Variants in REL observed in about 807,000 individuals in gnomAD.
REL encodes the protein proto-oncogene c-Rel.
In REL, 15 loss-of-function variants were observed where a neutral mutation model predicts 45.9. The ratio of observed to expected loss-of-function variants is 0.33; its 90% confidence interval spans 0.22 to 0.50. REL has a LOEUF of 0.50. REL is among the 20% of genes least tolerant of loss of function. The pLI is 0.98. For synonymous variants in REL, 239 were observed against 242.1 expected, an observed-to-expected ratio of 0.99 and a Z score of 0.12; for missense variants, 601 against 715.2, an observed-to-expected ratio of 0.84 and a Z score of 1.82.
chr2:60,928,261 C>T lies in REL; in HGVS notation c.*5726C>T, dbSNP rs1283956697. The T allele has an allele frequency of 6.4e-6, 1 of 156,018 alleles. No individual in the cohort carries two copies. Among genetic ancestry groups the T allele is most frequent in the Non-Finnish European group, 1.4e-5 (1 of 70,478 alleles). 9.7% of individuals were successfully genotyped at this position (156,018 alleles called of 1,614,324 possible). A position where few individuals can be genotyped will look rare whatever the true frequency, so the allele number is the denominator to read the frequency against. On this transcript the variant is annotated 3_prime_UTR_variant, in exon 10 of 10. Transcript: ENST00000394479. ...TGGCCATACTGCCCAAGGTAATTTA[C>T]AGATTCAGTGCCATCCCCATCAAGC...
At chr2:60,890,323 T>A (rs1673176876) in intron 1 of REL, among the ~76,000 whole-genome samples, 1 of 152,194 alleles carries the variant, frequency 6.6e-6, no homozygotes, top group Non-Finnish European at 1.5e-5. Flanking sequence ...TAGGTGCTAT[T>A]ATGATTATTC....
intron 4 of REL, among the ~76,000 whole-genome samples, chr2:60,914,399 A>G (rs978421254): frequency 8.5e-5 from 13 of 152,346 alleles, no homozygotes; most frequent in Admixed American, 6.5e-4. Flanking sequence ...AAAATCTCAT[A>G]AACAGTGATT....
intron 3 of REL, among the ~76,000 whole-genome samples, chr2:60,895,024 T>C (rs1400548268): frequency 1.3e-5 from 2 of 150,788 alleles, no homozygotes; most frequent in African/African-American, 4.9e-5. Context: ...GCCTGGCTAA[T>C]TTTTTTGTAT....
chr2:60,909,635 G>T (rs1180882951), intron 4 of REL, among the ~76,000 whole-genome samples: 1 of 152,164 alleles, frequency 6.6e-6, no homozygotes, highest in Non-Finnish European at 1.5e-5. Context: ...GGGCGCAGTG[G>T]CTCACGCCTG....
intron 7 of REL, among the ~76,000 whole-genome samples, chr2:60,918,854 A>T (rs1427040805): frequency 1.3e-5 from 2 of 151,962 alleles, no homozygotes; most frequent in African/African-American, 4.8e-5. Context: ...GCAGTGGCGC[A>T]ATCTTAGCTC....
At chr2:60,894,355 C>T (rs1673294492) in intron 2 of REL, 42 bp from the exon 3 acceptor site, 4 of 1,199,208 alleles carry the variant, frequency 3.3e-6, no homozygotes, top group African/African-American at 3.1e-5. Context: ...GTTTATAATG[C>T]AGTCTATTTG....
Position 60,922,580 on chromosome 2 carries a change from G to C in REL, c.*45G>C. On this transcript the variant is annotated 3_prime_UTR_variant, in exon 10 of 10. Coordinates refer to ENST00000394479, the MANE Select transcript of REL (RefSeq NM_001291746.2). Reference sequence around the variant, plus strand: ...TTTAAATCTTGATACCACCTATATAGATGCAGCATTTTGTATTTGTCTAAC... The same window carrying C: ...TTTAAATCTTGATACCACCTATATACATGCAGCATTTTGTATTTGTCTAAC... 6.6e-7 allele frequency: 1 copy of C among 1,505,858 alleles called. No individual in the cohort carries two copies. The highest frequency in any genetic ancestry group is 8.9e-7 in the Non-Finnish European group (1 of 1,127,854). The allele number at this position is 1,505,858 out of a possible 1,614,324, so 93.3% of individuals were successfully genotyped here.
chr2:60,888,894 A>G (rs775157452), intron 1 of REL, among the ~76,000 whole-genome samples: 1 of 152,220 alleles, frequency 6.6e-6, no homozygotes, highest in Admixed American at 6.5e-5. Flanking sequence ...TATCACTGCC[A>G]TATATCAGAG....
At chr2:60,910,676 G>A (rs1673789186) in intron 4 of REL, among the ~76,000 whole-genome samples, 1 of 152,238 alleles carries the variant, frequency 6.6e-6, no homozygotes, top group African/African-American at 2.4e-5. Context: ...ACTCACACCT[G>A]TAATCCCAAC....
At chr2:60,899,997 C>T (rs1673452268) in intron 3 of REL, 1 of 152,098 alleles carries the variant, frequency 6.6e-6, no homozygotes, top group Non-Finnish European at 1.5e-5. Context: ...ATTCAGGGCT[C>T]AAAAAGCAAA....
chr2:60,893,742 T>A (rs1053238492), intron 2 of REL, among the ~76,000 whole-genome samples: 2 of 152,176 alleles, frequency 1.3e-5, no homozygotes, highest in Non-Finnish European at 2.9e-5. Context: ...GTATGCTGGT[T>A]TTTATAGTCC....
rs1372754896 is a variant in REL at position 60,906,893 on chromosome 2, G to GTGTATATA, written c.394+5811_394+5812insGTATATAT. Among the ~76,000 whole-genome samples, 12 of 121,404 alleles carry GTGTATATA rather than the reference G, an allele frequency of 9.9e-5. No homozygotes were observed. The East Asian group carries it at 1.6e-3, about 16-fold the overall frequency. 79.6% of individuals were successfully genotyped at this position (121,404 alleles called of 152,430 possible). A position where few individuals can be genotyped will look rare whatever the true frequency, so the allele number is the denominator to read the frequency against. ...TGTGCGTGTGTGTATGTGTGTGTGT[G>GTGTATATA]TATATATATATATATATATATTTTT... On this transcript the variant is annotated intron_variant, in intron 4 of 9. Coordinates refer to ENST00000394479, the MANE Select transcript of REL (RefSeq NM_001291746.2).
intron 4 of REL, among the ~76,000 whole-genome samples, chr2:60,914,926 C>T (rs1195415703): frequency 6.6e-6 from 1 of 150,464 alleles, no homozygotes; most frequent in Non-Finnish European, 1.5e-5. Flanking sequence ...CTCTGCCTCT[C>T]GGGTTCACCA....
intron 4 of REL, among the ~76,000 whole-genome samples, chr2:60,906,913 A>ATTTTT (rs1162627805): frequency 2.6e-4 from 27 of 104,300 alleles, no homozygotes; most frequent in Non-Finnish European, 2.7e-4. Flanking sequence ...ATATATATAT[A>ATTTTT]TTTTTTTTTT....
rs926620781 is a variant in REL at position 60,922,038 on chromosome 2, T to A, written c.1267T>A (p.Leu423Ile). The change falls in exon 10 of 10, where the codon TTA (leucine) becomes ATA (isoleucine). Residue 423 changes from leucine to isoleucine, a missense_variant. Physicochemically the swap from Leu to Ile is conservative, Grantham distance 5. Coordinates refer to ENST00000394479, the MANE Select transcript of REL (RefSeq NM_001291746.2). ...CCTGAGAATACCTGTTGGGAATGATTTAAATGCTTCTAATGCTTGCATTTA... is the reference window on the plus strand; with the variant it reads ...CCTGAGAATACCTGTTGGGAATGATATAAATGCTTCTAATGCTTGCATTTA... Reference protein sequence around the residue: ...PFLRIPVGNDLNASNACIYNN... With the variant: ...PFLRIPVGNDINASNACIYNN... 3.1e-6 allele frequency: 5 copies of A among 1,614,086 alleles called. No individual in the cohort carries two copies. The highest frequency in any genetic ancestry group is 1.3e-5 in the African/African-American group (1 of 74,936).
At position 60,927,378 on chromosome 2, in the gene REL, C is replaced by G; in HGVS notation, c.*4843C>G. On this transcript the variant is annotated 3_prime_UTR_variant, in exon 10 of 10. Coordinates refer to ENST00000394479, the MANE Select transcript of REL (RefSeq NM_001291746.2). ...TTGACCTGCTGCTTCCCTTTTTTAC[C>G]ACACACACACGCACACATACCACAG... 1 of 229,052 alleles carries G rather than the reference C, an allele frequency of 4.4e-6. No individual in the cohort carries two copies. Among genetic ancestry groups the G allele is most frequent in the Non-Finnish European group, 8.7e-6 (1 of 115,314 alleles). 14.2% of individuals were successfully genotyped at this position (229,052 alleles called of 1,614,324 possible). A position where few individuals can be genotyped will look rare whatever the true frequency, so the allele number is the denominator to read the frequency against.
rs2103991014 is a variant in REL at position 60,922,649 on chromosome 2, T to C, written c.*114T>C. The C allele has an allele frequency of 7.3e-7, 1 of 1,370,548 alleles. No homozygotes were observed. Among genetic ancestry groups the C allele is most frequent in the Non-Finnish European group, 9.4e-7 (1 of 1,058,516 alleles). 84.9% of individuals were successfully genotyped at this position (1,370,548 alleles called of 1,614,324 possible). Reference sequence around the variant, plus strand: ...TTTATACTGTATATATAATACTGACTGAGAATATAATACTGTATTTGAGAA... The same window carrying C: ...TTTATACTGTATATATAATACTGACCGAGAATATAATACTGTATTTGAGAA... On this transcript the variant is annotated 3_prime_UTR_variant, in exon 10 of 10. Coordinates refer to ENST00000394479, the MANE Select transcript of REL (RefSeq NM_001291746.2).
chr2:60,917,051 A>T, intron 5 of REL, 34 bp downstream of exon 5: 1 of 1,563,182 alleles, frequency 6.4e-7, no homozygotes, highest in Non-Finnish European at 8.7e-7. Flanking sequence ...TTGTAGTCTT[A>T]ACTTGTTTTT....
At position 60,881,702 on chromosome 2, in the gene REL, G is replaced by A. The variant is rs1351473165; in HGVS notation, c.-139G>A. 10 of 623,586 alleles carry A rather than the reference G, an allele frequency of 1.6e-5. No homozygotes were observed. Among genetic ancestry groups the A allele is most frequent in the Non-Finnish European group, 2.5e-5 (9 of 366,278 alleles). 38.6% of individuals were successfully genotyped at this position (623,586 alleles called of 1,614,324 possible). A position where few individuals can be genotyped will look rare whatever the true frequency, so the allele number is the denominator to read the frequency against. On this transcript the variant is annotated 5_prime_UTR_variant, in exon 1 of 10. Coordinates refer to ENST00000394479, the MANE Select transcript of REL (RefSeq NM_001291746.2). ...CCGCAAACCCAGCGGAGGGCGGGAA[G>A]AAGGAGGAGGCCTCTAGGGTGGTCG...
Sources: allele counts gnomAD v4.1 joint callset (sites outside exome capture counted in the v4.1 genomes callset), GRCh38; gene constraint gnomAD v4.1.1; transcripts MANE v1.5; gene names NCBI Gene and HGNC (gene_info 2026-07-23, HGNC 2026-07-21).